The following FGF1 variants were observed in gnomAD, a reference collection of about 807,000 sequenced individuals.
FGF1 encodes the protein beta-endothelial cell growth factor.
In FGF1, 9 loss-of-function variants were observed where a neutral mutation model predicts 13.4. The ratio of observed to expected loss-of-function variants is 0.67; its 90% CI spans 0.40 to 1.17. The LOEUF is 1.17. FGF1 is among the 50% of genes most tolerant of loss of function. The probability of loss-of-function intolerance (pLI) is 0.01; values close to 1 mark genes in which losing one functional copy is unlikely to be tolerated. For synonymous variants in FGF1, 93 were observed against 79.0 expected (o/e 1.18, Z -0.94); for missense variants, 156 against 192.7 (o/e 0.81, Z 1.13).
At position 142,592,881 on chromosome 5, in the gene FGF1, T is replaced by A. The variant is rs986436670; in HGVS notation, c.*2409A>T. 6.4e-6 allele frequency: 1 copy of A among 155,160 alleles called. No individual in the cohort carries two copies. Among genetic ancestry groups the A allele is most frequent in the Non-Finnish European group, 1.4e-5 (1 of 70,180 alleles). The allele number at this position is 155,160 out of a possible 1,614,324, so 9.6% of individuals were successfully genotyped here. On this transcript the variant is annotated 3_prime_UTR_variant, in exon 4 of 4. Transcript: ENST00000337706. ...CAGGAACCTACAAAGTCTGTGTTTA[T>A]TCTTGACTGAAAGAATTGAATCCAC...
chr5:142,655,231 C>T (rs1767945805), intron 1 of FGF1, among the ~76,000 whole-genome samples: 1 of 152,170 alleles, frequency 6.6e-6, no homozygotes, highest in African/African-American at 2.4e-5. Flanking sequence ...TTCGGTAACC[C>T]TTTATGACGC....
At chr5:142,658,789 G>C (rs1768627123) in intron 1 of FGF1, among the ~76,000 whole-genome samples, 1 of 152,154 alleles carries the variant, frequency 6.6e-6, no homozygotes, top group South Asian at 2.1e-4. Context: ...AGAAAGTATA[G>C]GCTGCGGAGA....
At chr5:142,659,768 AG>A (rs1206943091) in intron 1 of FGF1, among the ~76,000 whole-genome samples, 1 of 152,198 alleles carries the variant, frequency 6.6e-6, no homozygotes, top group Non-Finnish European at 1.5e-5. Context: ...AACACAGCTG[AG>A]GGGTGCCATT....
At chr5:142,604,991 CTT>C (rs1037893320) in intron 2 of FGF1, among the ~76,000 whole-genome samples, 14 of 152,316 alleles carry the variant, frequency 9.2e-5, no homozygotes, top group African/African-American at 3.4e-4. Context: ...GCCTGGGACT[CTT>C]TTCAACCTAT....
At chr5:142,689,769 G>A (rs995648188), upstream of FGF1, among the ~76,000 whole-genome samples, 1 of 143,176 alleles carries the variant, frequency 7.0e-6, no homozygotes, top group East Asian at 2.2e-4. Context: ...GCGCGATCTC[G>A]GCTCATGGAA....
chr5:142,695,535 T>G (rs1478232125), intron 2 of FGF1, among the ~76,000 whole-genome samples: 3 of 143,374 alleles, frequency 2.1e-5, no homozygotes. Context: ...TGAGCCAAGA[T>G]CTCACCATTG....
At chr5:142,639,430 A>T (rs963805549) in intron 1 of FGF1, among the ~76,000 whole-genome samples, 1 of 152,048 alleles carries the variant, frequency 6.6e-6, no homozygotes, top group African/African-American at 2.4e-5. Flanking sequence ...ACATGGATGA[A>T]CCTAGAGGAC....
Position 142,595,032 on chromosome 5 carries a change from A to C in FGF1, c.*258T>G. ...GGAGGGACTCAGCCTGCAAGAGGCA[A>C]TTGGAGATCCAAACCCAGACCCAGA... On this transcript the variant is annotated 3_prime_UTR_variant, in exon 4 of 4. Coordinates refer to ENST00000337706, the MANE Select transcript of FGF1 (RefSeq NM_000800.5). 2 of 400,882 alleles carry C rather than the reference A, an allele frequency of 5.0e-6. No homozygotes were observed. Among genetic ancestry groups the C allele is most frequent in the East Asian group, 4.2e-5 (1 of 23,718 alleles). The allele number at this position is 400,882 out of a possible 1,614,324, so 24.8% of individuals were successfully genotyped here. A position where few individuals can be genotyped will look rare whatever the true frequency, so the allele number is the denominator to read the frequency against.
intron 1 of FGF1, among the ~76,000 whole-genome samples, chr5:142,642,673 C>T (rs1765389672): frequency 6.6e-6 from 1 of 152,218 alleles, no homozygotes. Flanking sequence ...CGTGGGCTCC[C>T]AGAGGAGACG....
At chr5:142,612,951 A>G (rs1759398136) in intron 2 of FGF1, among the ~76,000 whole-genome samples, 1 of 151,842 alleles carries the variant, frequency 6.6e-6, no homozygotes, top group East Asian at 1.9e-4. Context: ...TGTATAAACC[A>G]TCATGTCAAA....
intron 2 of FGF1, among the ~76,000 whole-genome samples, chr5:142,693,978 A>G (rs1167856385): frequency 6.6e-6 from 1 of 151,004 alleles, no homozygotes; most frequent in East Asian, 1.9e-4. Flanking sequence ...GTTGTTATTC[A>G]TGGGCAAGTT....
intron 1 of FGF1, among the ~76,000 whole-genome samples, chr5:142,683,638 A>G (rs1198992275): frequency 6.6e-6 from 1 of 152,140 alleles, no homozygotes; most frequent in South Asian, 2.1e-4. Context: ...CCTTAGCAAC[A>G]TGGAGAAACC....
chr5:142,638,084 T>C (rs1391178590), intron 1 of FGF1, among the ~76,000 whole-genome samples: 2 of 151,962 alleles, frequency 1.3e-5, no homozygotes, highest in Non-Finnish European at 2.9e-5. Flanking sequence ...CCGGCAGAGC[T>C]TTCATTCCAG....
chr5:142,625,914 C>G (rs1292121973), intron 1 of FGF1, among the ~76,000 whole-genome samples: 1 of 152,122 alleles, frequency 6.6e-6, no homozygotes, highest in Non-Finnish European at 1.5e-5. Flanking sequence ...TTCCCCTTGA[C>G]CTAGAAAATT....
At chr5:142,606,253 T>G (rs1452679849) in intron 2 of FGF1, among the ~76,000 whole-genome samples, 2 of 126,958 alleles carry the variant, frequency 1.6e-5, no homozygotes, top group African/African-American at 7.2e-5. Context: ...TGTATGTAGT[T>G]TTTTTTTTTA....
In FGF1 at chr5:142,595,060, G is replaced by T. The variant is rs1235658794; in HGVS notation, c.*230C>A. On this transcript the variant is annotated 3_prime_UTR_variant, in exon 4 of 4. Coordinates refer to ENST00000337706, the MANE Select transcript of FGF1 (RefSeq NM_000800.5). ...GGAGATCCAAACCCAGACCCAGACT[G>T]GCCAGCCAGTTGACTCCTAGAAGCA... The T allele has an allele frequency of 1.1e-5, 5 of 447,254 alleles. No homozygotes were observed. Among genetic ancestry groups the T allele is most frequent in the Non-Finnish European group, 2.0e-5 (5 of 253,592 alleles). The allele number at this position is 447,254 out of a possible 1,614,324, so 27.7% of individuals were successfully genotyped here.
At chr5:142,641,199 A>G (rs1401328637) in intron 1 of FGF1, among the ~76,000 whole-genome samples, 2 of 152,046 alleles carry the variant, frequency 1.3e-5, no homozygotes, top group Non-Finnish European at 2.9e-5. Context: ...AAGATCGGGC[A>G]ATGAGGACTA....
intron 1 of FGF1, among the ~76,000 whole-genome samples, chr5:142,614,536 G>A (rs980529736): frequency 1.3e-5 from 2 of 152,106 alleles, no homozygotes; most frequent in African/African-American, 4.8e-5. Flanking sequence ...AACACCTAGG[G>A]TCTGGCTGAA....
At chr5:142,642,859 T>C (rs1765413837) in intron 1 of FGF1, among the ~76,000 whole-genome samples, 1 of 152,232 alleles carries the variant, frequency 6.6e-6, no homozygotes, top group African/African-American at 2.4e-5. Context: ...AGCTGAGTCC[T>C]AGAAACTGCT....
Sources: gnomAD v4.1 joint callset for allele counts (sites outside exome capture counted in the v4.1 genomes callset) on GRCh38, gnomAD v4.1.1 for gene constraint, MANE v1.5 for transcripts, NCBI Gene and HGNC (gene_info 2026-07-23, HGNC 2026-07-21) for gene names.